Variants in TOP6BL observed in about 807,000 individuals in gnomAD.
TOP6BL encodes the protein TOP6B like initiator of meiotic double strand breaks.
the TOP6BL span, among the ~76,000 whole-genome samples, chr11:66,754,426 C>T: frequency 6.6e-6 from 1 of 152,206 alleles, no homozygotes; most frequent in Admixed American, 6.5e-5. Flanking sequence ...TTTCTTTTCT[C>T]CACCTCGTTC....
chr11:66,828,100 CCTT>C, the TOP6BL span, among the ~76,000 whole-genome samples: 2 of 151,874 alleles, frequency 1.3e-5, no homozygotes, highest in South Asian at 2.1e-4. Context: ...GTATCTCAGG[CCTT>C]CTTTTTTTCT....
the TOP6BL span, among the ~76,000 whole-genome samples, chr11:66,832,096 TC>T: frequency 6.6e-6 from 1 of 151,734 alleles, no homozygotes; most frequent in African/African-American, 2.4e-5. Flanking sequence ...ATGGACACTT[TC>T]TTTTTTTTTT....
chr11:66,769,626 T>C, the TOP6BL span, among the ~76,000 whole-genome samples: 19 of 152,168 alleles, frequency 1.2e-4, no homozygotes, highest in African/African-American at 3.6e-4. Context: ...CCCAGTGTGA[T>C]AGTATTTGGA....
the TOP6BL span, chr11:66,822,444 T>C: frequency 1.6e-6 from 1 of 644,226 alleles, no homozygotes; most frequent in East Asian, 2.8e-5. Context: ...GTAACTTTTG[T>C]TGATGGATAG....
chr11:66,826,511 T>C, the TOP6BL span, among the ~76,000 whole-genome samples: 1 of 152,188 alleles, frequency 6.6e-6, no homozygotes, highest in African/African-American at 2.4e-5. Context: ...GTATAACACA[T>C]TTATAAGCTA....
the TOP6BL span, among the ~76,000 whole-genome samples, chr11:66,826,836 C>A: frequency 6.6e-6 from 1 of 151,622 alleles, no homozygotes; most frequent in Admixed American, 6.6e-5. Flanking sequence ...GCATGTGCCA[C>A]CACCCCTGGC....
the TOP6BL span, chr11:66,796,401 T>A: frequency 2.0e-6 from 3 of 1,499,308 alleles, no homozygotes; most frequent in Non-Finnish European, 2.8e-6. Flanking sequence ...ATTCTCTTAT[T>A]TAAGTCATTG....
At chr11:66,838,257 T>C in the TOP6BL span, 1 of 832,102 alleles carries the variant, frequency 1.2e-6, no homozygotes, top group Non-Finnish European at 2.0e-6. Flanking sequence ...GAGTTCCAGG[T>C]GAGGGCAGAT....
At chr11:66,838,631 G>C in the TOP6BL span, among the ~76,000 whole-genome samples, 1 of 152,172 alleles carries the variant, frequency 6.6e-6, no homozygotes, top group Non-Finnish European at 1.5e-5. Context: ...AAGATGTTAG[G>C]ACAGGACTAG....
chr11:66,756,179 G>A, the TOP6BL span, among the ~76,000 whole-genome samples: 1 of 152,156 alleles, frequency 6.6e-6, no homozygotes, highest in Non-Finnish European at 1.5e-5. Context: ...ATTTATATGA[G>A]TTATAAGAAA....
At chr11:66,812,303 A>G in the TOP6BL span, among the ~76,000 whole-genome samples, 9 of 151,240 alleles carry the variant, frequency 6.0e-5, no homozygotes, top group Admixed American at 4.6e-4. Flanking sequence ...CAGCCTCCCT[A>G]GTAGCTGGGA....
the TOP6BL span, among the ~76,000 whole-genome samples, chr11:66,805,597 G>C: frequency 6.6e-6 from 1 of 152,000 alleles, no homozygotes; most frequent in Non-Finnish European, 1.5e-5. Context: ...AGAGACCACA[G>C]GTGCATGCCA....
chr11:66,831,433 T>C, the TOP6BL span, among the ~76,000 whole-genome samples: 6 of 152,192 alleles, frequency 3.9e-5, no homozygotes, highest in Non-Finnish European at 1.5e-5. Context: ...AGGAAAGAAC[T>C]ATTGATACAC....
chr11:66,782,838 A>G, the TOP6BL span, among the ~76,000 whole-genome samples: 4 of 152,264 alleles, frequency 2.6e-5, no homozygotes, highest in South Asian at 6.2e-4. Context: ...AAAATTTTCT[A>G]TCTACTTCAT....
the TOP6BL span, among the ~76,000 whole-genome samples, chr11:66,814,847 T>G: frequency 6.6e-6 from 1 of 152,228 alleles, no homozygotes; most frequent in Non-Finnish European, 1.5e-5. Context: ...GGCTGTAATA[T>G]TCCCATAAGC....
At chr11:66,758,145 A>G in the TOP6BL span, 3 of 984,658 alleles carry the variant, frequency 3.0e-6, no homozygotes, top group Non-Finnish European at 3.6e-6. Context: ...TTTGAAAATA[A>G]AAAGCCTCTA....
At chr11:66,816,344 A>G in the TOP6BL span, 2 of 965,394 alleles carry the variant, frequency 2.1e-6, no homozygotes, top group South Asian at 2.2e-5. Context: ...TAAAATGAAC[A>G]TATCCTATAG....
the TOP6BL span, among the ~76,000 whole-genome samples, chr11:66,830,090 C>T: frequency 2.0e-5 from 3 of 152,156 alleles, no homozygotes; most frequent in African/African-American, 7.2e-5. Context: ...TCTGTTCAAC[C>T]ACAGAAGAAT....
the TOP6BL span, chr11:66,758,321 TTTTTTTTTG>T: frequency 1.3e-5 from 2 of 153,654 alleles, no homozygotes; most frequent in African/African-American, 3.3e-5. Flanking sequence ...TTTTTTTTTT[TTTTTTTTTG>T]AGACGGAGTC....
Sources: allele counts gnomAD v4.1 joint callset (sites outside exome capture counted in the v4.1 genomes callset), GRCh38; gene constraint gnomAD v4.1.1; transcripts MANE v1.5; gene names NCBI Gene and HGNC (gene_info 2026-07-23, HGNC 2026-07-21).